Variants in TMEM44 observed in about 807,000 individuals in gnomAD.
The protein encoded by TMEM44 is transmembrane protein 44.
TMEM44 carries 43 observed loss-of-function variants against 47.8 expected under a neutral mutation model. The observed-to-expected ratio is 0.90, with a 90% CI of 0.70 to 1.16. The LOEUF (loss-of-function observed/expected upper bound fraction) is 1.16. Ranked by LOEUF, TMEM44 falls within the 50% of genes most tolerant of loss-of-function variation. The pLI is 0.00. For missense variants in TMEM44, 568 were observed against 555.2 expected (o/e 1.02, Z -0.23); for synonymous variants, 277 against 238.8 (o/e 1.16, Z -1.48).
chr3:194,589,361 G>A (rs1712297697), intron 9 of TMEM44: 1 of 152,316 alleles, frequency 6.6e-6, no homozygotes, highest in African/African-American at 2.4e-5. Context: ...CCTTGACCGT[G>A]TTAGCCCATT....
At chr3:194,614,258 C>T (rs920033993) in intron 7 of TMEM44, among the ~76,000 whole-genome samples, 6 of 152,206 alleles carry the variant, frequency 3.9e-5, no homozygotes, top group Non-Finnish European at 8.8e-5. Context: ...GGCAGCATCA[C>T]AAGCCGATTT....
intron 9 of TMEM44, among the ~76,000 whole-genome samples, chr3:194,592,546 C>G (rs1007203968): frequency 3.3e-5 from 5 of 152,174 alleles, no homozygotes; most frequent in Admixed American, 6.5e-5. Context: ...CTGAATACCC[C>G]CAAAGCAGAA....
intron 8 of TMEM44, among the ~76,000 whole-genome samples, chr3:194,604,811 G>A (rs1427593433): frequency 6.6e-6 from 1 of 152,196 alleles, no homozygotes. Flanking sequence ...CATTTCAGGT[G>A]TTCCCAGTCT....
intron 1 of TMEM44, among the ~76,000 whole-genome samples, chr3:194,632,735 T>G (rs1435907668): frequency 6.6e-6 from 1 of 152,142 alleles, no homozygotes; most frequent in Non-Finnish European, 1.5e-5. Context: ...AGGTATTATC[T>G]CCGGTCATAG....
chr3:194,605,557 G>A (rs748304957), intron 8 of TMEM44, among the ~76,000 whole-genome samples: 4 of 152,140 alleles, frequency 2.6e-5, no homozygotes, highest in Non-Finnish European at 5.9e-5. Flanking sequence ...TTGTGTAGGG[G>A]AGCTCCTCTT....
At position 194,604,258 on chromosome 3, in the gene TMEM44, C is replaced by T. The variant is rs774735760; in HGVS notation, c.1176+29G>A. ...GTGTCGGCGAACGATGGCACCCACG[C>T]ACCCGCCCAGCAGGCAACAGCCGTG... On this transcript the variant is annotated intron_variant, in intron 9 of 9. Coordinates refer to ENST00000347147, the MANE Select transcript of TMEM44 (RefSeq NM_001011655.3). The T allele has an allele frequency of 1.9e-6, 3 of 1,566,736 alleles. No homozygotes were observed. The African/African-American group carries it at 4.1e-5, about 21-fold the overall frequency.
intron 9 of TMEM44, among the ~76,000 whole-genome samples, chr3:194,600,834 C>T (rs2109163370): frequency 6.6e-6 from 1 of 152,312 alleles, no homozygotes; most frequent in South Asian, 2.1e-4. Flanking sequence ...AAAAAGATTT[C>T]TTGCTCATTT....
intron 8 of TMEM44, among the ~76,000 whole-genome samples, chr3:194,608,902 C>A (rs1469168612): frequency 4.6e-5 from 7 of 152,134 alleles, no homozygotes; most frequent in Non-Finnish European, 1.0e-4. Flanking sequence ...TGTGAATGAT[C>A]CCTCTGGCTG....
rs1356884819 is a variant in TMEM44, at chr3:194,604,396, C to G, written c.1067G>C (p.Gly356Ala). The G allele has an allele frequency of 6.5e-7, 1 of 1,544,154 alleles. No homozygotes were observed. The highest frequency in any genetic ancestry group is 8.8e-7 in the Non-Finnish European group (1 of 1,141,642). ...RLPGDGQTSA[G>A]DASLQDPPSY... is the part of the protein sequence containing the mutation. The stretch of plus-strand genomic sequence containing the variant: ...CGGGGGGTCCTGCAGGGACGCATCT[C>G]CGGCGCTCGTCTGCCCGTCACCTGG... Residue 356 changes from glycine to alanine, a missense_variant, in exon 9 of 10, where the codon GGA becomes GCA. By Grantham distance (60) the Gly-to-Ala change is moderately conservative. Transcript: ENST00000347147.
intron 9 of TMEM44, among the ~76,000 whole-genome samples, chr3:194,596,130 C>A (rs1713378913): frequency 1.3e-5 from 2 of 152,070 alleles, no homozygotes. Context: ...GGAGCTCAGG[C>A]TTAGGAGCCT....
rs1715782444 is a variant in TMEM44, at chr3:194,615,504, T to G, written c.912+65A>C. 4 of 1,581,362 alleles carry G rather than the reference T, an allele frequency of 2.5e-6. No homozygotes were observed. In the African/African-American group the frequency reaches 5.4e-5, roughly 21 times the overall value. ...ACGTCCGTCCGCAGTATCCTGCTGT[T>G]TCTCAAGATACTGTTGCTGGGACCA... On this transcript the variant is annotated intron_variant, in intron 7 of 9. Transcript: ENST00000347147.
intron 8 of TMEM44, among the ~76,000 whole-genome samples, chr3:194,606,424 G>A (rs1714783036): frequency 6.6e-6 from 1 of 152,092 alleles, no homozygotes; most frequent in South Asian, 2.1e-4. Context: ...TTGCCCATTG[G>A]GATATTCACA....
chr3:194,632,999 T>A, intron 1 of TMEM44, 80 bp downstream of exon 1: 1 of 1,504,862 alleles, frequency 6.6e-7, no homozygotes, highest in Non-Finnish European at 8.9e-7. Context: ...CGCCCCCTCC[T>A]CTAGGTTTCC....
intron 9 of TMEM44, among the ~76,000 whole-genome samples, chr3:194,596,589 CAAG>C (rs1223176760): frequency 6.6e-6 from 1 of 152,058 alleles, no homozygotes; most frequent in African/African-American, 2.4e-5. Flanking sequence ...ATCGGGAGTT[CAAG>C]ACCAGCCTGA....
rs35118545 is a variant in TMEM44, at chr3:194,621,024, C to CA, written c.612+2199dup. Among the ~76,000 whole-genome samples the CA allele has an allele frequency of 5.0e-3, 592 of 117,250 alleles. 1 individual carries two copies. The highest frequency in any genetic ancestry group is 5.7e-3 in the African/African-American group (181 of 31,534). The allele number at this position is 117,250 out of a possible 152,430, so 76.9% of individuals were successfully genotyped here. On this transcript the variant is annotated intron_variant, in intron 5 of 9. Transcript: ENST00000347147. ...TGGGCAACAGAGCGAGACTCTGTCT[C>CA]AAAAAAAAAAAAAAAAAAGATGTTG...
chr3:194,615,822 T>C, intron 6 of TMEM44, 125 bp from the exon 7 acceptor site: 1 of 1,320,366 alleles, frequency 7.6e-7, no homozygotes, highest in East Asian at 2.4e-5. Context: ...CCCTGTATTA[T>C]CCTGCCTGGG....
intron 1 of TMEM44, 92 bp downstream of exon 1, chr3:194,632,987 T>C (rs1347053828): frequency 4.7e-6 from 7 of 1,484,664 alleles, no homozygotes; most frequent in Non-Finnish European, 6.3e-6. Context: ...CATCCCCCTT[T>C]CCGCCCCCTC....
Position 194,588,192 on chromosome 3 carries a change from C to T in TMEM44, c.*337G>A, listed in dbSNP as rs1172102423. The stretch of plus-strand genomic sequence containing the variant: ...AGGTGAGCTCATTCCTGGAACCTAG[C>T]AGGTATTCCGTTCATGGCTGACTCT... On this transcript the variant is annotated 3_prime_UTR_variant, in exon 10 of 10. Coordinates refer to ENST00000347147, the MANE Select transcript of TMEM44 (RefSeq NM_001011655.3). 7 of 249,050 alleles carry T rather than the reference C, an allele frequency of 2.8e-5. No homozygotes were observed. Among genetic ancestry groups the T allele is most frequent in the African/African-American group, 6.8e-5 (3 of 44,002 alleles). 15.4% of individuals were successfully genotyped at this position (249,050 alleles called of 1,614,324 possible). A position where few individuals can be genotyped will look rare whatever the true frequency, so the allele number is the denominator to read the frequency against.
At chr3:194,591,516 A>G (rs1228978182) in intron 9 of TMEM44, among the ~76,000 whole-genome samples, 2 of 151,406 alleles carry the variant, frequency 1.3e-5, no homozygotes, top group Non-Finnish European at 2.9e-5. Context: ...AAATACATAA[A>G]TAAGTAAGTA....
Sources: allele counts gnomAD v4.1 joint callset (sites outside exome capture counted in the v4.1 genomes callset), GRCh38; gene constraint gnomAD v4.1.1; transcripts MANE v1.5; gene names NCBI Gene and HGNC (gene_info 2026-07-23, HGNC 2026-07-21).